CEP85L: variants seen among roughly 807,000 people sequenced by gnomAD.
The protein encoded by CEP85L is centrosomal protein of 85 kDa-like.
Under a neutral mutation model 100.3 loss-of-function variants are expected in CEP85L, and 60 were observed. That is an observed-to-expected ratio of 0.60 (90% CI 0.49 to 0.74). The LOEUF (loss-of-function observed/expected upper bound fraction) is 0.74. Among genes scored for constraint, CEP85L ranks in the 30% least tolerant of loss-of-function variants. The pLI, the probability that CEP85L is intolerant of heterozygous loss-of-function variation, is 0.00. For missense variants in CEP85L, 973 were observed against 936.2 expected, an observed-to-expected ratio of 1.04 and a Z score of -0.51; for synonymous variants, 319 against 322.7, an observed-to-expected ratio of 0.99 and a Z score of 0.12.
At chr6:118,516,270 T>TA (rs1776271613) in intron 4 of CEP85L, among the ~76,000 whole-genome samples, 1 of 152,224 alleles carries the variant, frequency 6.6e-6, no homozygotes. Context: ...ATATACCCAG[T>TA]AATGGGATTG....
intron 8 of CEP85L, among the ~76,000 whole-genome samples, 172 bp downstream of exon 8, chr6:118,481,607 A>G (rs1338108930): frequency 6.6e-6 from 1 of 152,158 alleles, no homozygotes; most frequent in African/African-American, 2.4e-5. Context: ...GCTGAAAAAA[A>G]TCTTAAATCT....
chr6:118,515,684 T>C (rs1776232356), intron 4 of CEP85L, among the ~76,000 whole-genome samples: 1 of 152,166 alleles, frequency 6.6e-6, no homozygotes, highest in Non-Finnish European at 1.5e-5. Flanking sequence ...ACTAAGTATT[T>C]TGAGGTGAAC....
intron 1 of CEP85L, among the ~76,000 whole-genome samples, chr6:118,682,831 G>C (rs144992903): frequency 4.6e-4 from 69 of 148,818 alleles, no homozygotes; most frequent in African/African-American, 1.7e-3. Context: ...CTAAATTTTT[G>C]CTCATGTACT....
At chr6:118,546,561 T>C (rs1423163961) in intron 3 of CEP85L, among the ~76,000 whole-genome samples, 1 of 152,160 alleles carries the variant, frequency 6.6e-6, no homozygotes, top group Non-Finnish European at 1.5e-5. Flanking sequence ...ATCTTAAAAA[T>C]TTCTCAGTTA....
At chr6:118,502,814 G>T in intron 5 of CEP85L, 1 of 627,288 alleles carries the variant, frequency 1.6e-6, no homozygotes, top group Non-Finnish European at 3.0e-6. Flanking sequence ...AAGCATGTAT[G>T]GAGTTCAAAA....
chr6:118,522,239 A>C (rs764413158), intron 4 of CEP85L, among the ~76,000 whole-genome samples: 3 of 152,150 alleles, frequency 2.0e-5, no homozygotes, highest in Non-Finnish European at 2.9e-5. Flanking sequence ...GCATGGCTGT[A>C]ATCCCAGCTA....
chr6:118,477,179 A>T (rs1286641708), intron 10 of CEP85L, among the ~76,000 whole-genome samples: 1 of 152,212 alleles, frequency 6.6e-6, no homozygotes, highest in Non-Finnish European at 1.5e-5. Flanking sequence ...CATTTCTAAA[A>T]GGTCAATGAG....
intron 1 of CEP85L, among the ~76,000 whole-genome samples, chr6:118,660,086 A>G (rs1775921458): frequency 6.6e-6 from 1 of 152,230 alleles, no homozygotes; most frequent in African/African-American, 2.4e-5. Flanking sequence ...TTCGTGGCAG[A>G]GGTAGCTATC....
At chr6:118,524,748 G>T (rs966039980) in intron 3 of CEP85L, among the ~76,000 whole-genome samples, 4 of 152,212 alleles carry the variant, frequency 2.6e-5, no homozygotes, top group African/African-American at 9.6e-5. Context: ...GATAAAAAGG[G>T]GTCCTTGGAG....
At chr6:118,651,113 C>T in intron 1 of CEP85L, 84 bp downstream of exon 1, 2 of 1,424,688 alleles carry the variant, frequency 1.4e-6, no homozygotes, top group African/African-American at 1.5e-5. Context: ...AGGCCTGAGG[C>T]GGGAGGGGAG....
intron 1 of CEP85L, among the ~76,000 whole-genome samples, chr6:118,673,086 T>C (rs1260735666): frequency 1.3e-5 from 2 of 152,192 alleles, no homozygotes; most frequent in African/African-American, 2.4e-5. Context: ...AGTGCTCTAA[T>C]ACATCAAGAG....
At chr6:118,667,555 A>AT (rs1406407470) in intron 1 of CEP85L, among the ~76,000 whole-genome samples, 1 of 152,200 alleles carries the variant, frequency 6.6e-6, no homozygotes, top group Admixed American at 6.5e-5. Flanking sequence ...TGAAAACTGC[A>AT]TTTTTTGGAT....
upstream of CEP85L, among the ~76,000 whole-genome samples, chr6:118,652,977 A>T (rs547387550): frequency 2.0e-5 from 3 of 152,094 alleles, no homozygotes; most frequent in African/African-American, 4.8e-5. Flanking sequence ...TTTTTTTTTC[A>T]TGCTTTGTAG....
At chr6:118,583,550 TC>T (rs1352126719) in intron 2 of CEP85L, among the ~76,000 whole-genome samples, 2 of 151,882 alleles carry the variant, frequency 1.3e-5, no homozygotes, top group Non-Finnish European at 2.9e-5. Context: ...AAACTCTATC[TC>T]CCCCTGATGG....
At chr6:118,558,894 A>T (rs763754683) in intron 3 of CEP85L, 23 of 1,605,368 alleles carry the variant, frequency 1.4e-5, no homozygotes, top group Non-Finnish European at 2.0e-5. Context: ...ACCACTTAAA[A>T]CTTCAGACTT....
At chr6:118,561,393 T>C (rs188350954) in intron 3 of CEP85L, among the ~76,000 whole-genome samples, 49 of 152,256 alleles carry the variant, frequency 3.2e-4, no homozygotes, top group African/African-American at 1.1e-3. Context: ...TCTTCATTCT[T>C]TGATAGAAAT....
At chr6:118,631,654 G>A (rs1774160604) in intron 2 of CEP85L, among the ~76,000 whole-genome samples, 1 of 152,144 alleles carries the variant, frequency 6.6e-6, no homozygotes, top group African/African-American at 2.4e-5. Context: ...AAAAGGAATG[G>A]ACTGTTGATA....
At chr6:118,637,946 T>C (rs1443970697) in intron 1 of CEP85L, among the ~76,000 whole-genome samples, 2 of 152,120 alleles carry the variant, frequency 1.3e-5, no homozygotes, top group African/African-American at 4.8e-5. Flanking sequence ...TAGTATCAAA[T>C]TCAGAAGACA....
At chr6:118,495,612 T>C (rs1403333815) in intron 5 of CEP85L, among the ~76,000 whole-genome samples, 1 of 152,150 alleles carries the variant, frequency 6.6e-6, no homozygotes, top group Non-Finnish European at 1.5e-5. Context: ...CTTTATAAAT[T>C]ATCCAGTCTC....
Sources: gnomAD v4.1 joint callset for allele counts (sites outside exome capture counted in the v4.1 genomes callset) on GRCh38, gnomAD v4.1.1 for gene constraint, MANE v1.5 for transcripts, NCBI Gene and HGNC (gene_info 2026-07-23, HGNC 2026-07-21) for gene names.